RAP1GAP2: variants seen among roughly 807,000 people sequenced by gnomAD.
RAP1GAP2 encodes RAP1 GTPase activating protein 2, also known as rap1 GTPase-activating protein 2.
RAP1GAP2 carries 27 observed loss-of-function variants against 95.0 expected under a neutral mutation model. The ratio of observed to expected loss-of-function variants is 0.28; its 90% confidence interval spans 0.21 to 0.39. The LOEUF (loss-of-function observed/expected upper bound fraction) is 0.39, where lower values mean the gene tolerates loss of function less well. RAP1GAP2 is among the 10% of genes least tolerant of loss of function. The pLI is 1.00. For synonymous variants in RAP1GAP2, 373 were observed against 380.9 expected (o/e 0.98, Z 0.24); for missense variants, 771 against 970.0 (o/e 0.79, Z 2.72).
intron 17 of RAP1GAP2, among the ~76,000 whole-genome samples, chr17:3,014,542 C>A: frequency 8.9e-6 from 1 of 112,132 alleles, no homozygotes; most frequent in Non-Finnish European, 1.7e-5. Context: ...TGTAAAGATG[C>A]TGATTTTTTT....
chr17:2,843,312 G>A (rs979611941), intron 2 of RAP1GAP2, among the ~76,000 whole-genome samples: 2 of 148,486 alleles, frequency 1.3e-5, no homozygotes, highest in African/African-American at 5.0e-5. Flanking sequence ...TTTTAATGGT[G>A]TCTCGCTCTG....
chr17:2,938,921 G>A (rs2043387834), intron 3 of RAP1GAP2, among the ~76,000 whole-genome samples: 2 of 152,018 alleles, frequency 1.3e-5, no homozygotes, highest in African/African-American at 4.8e-5. Flanking sequence ...AGGAGGCAGA[G>A]GTTGTAGTGT....
At chr17:2,779,585 G>A (rs1045753892) in intron 1 of RAP1GAP2, among the ~76,000 whole-genome samples, 4 of 152,114 alleles carry the variant, frequency 2.6e-5, no homozygotes, top group Non-Finnish European at 4.4e-5. Flanking sequence ...TGGGCTGGCC[G>A]CTCAGATATA....
rs114220843 is a variant in RAP1GAP2, at chr17:2,852,965, G to A, written c.81-52319G>A. 5.1e-3 allele frequency among the ~76,000 whole-genome samples: 770 copies of A among 152,286 alleles called. 5 individuals carry two copies. The highest frequency in any genetic ancestry group is 0.017 in the African/African-American group (715 of 41,574). ...GCAGGGGCGGGAGGGACCACGCGAC[G>A]AGTGCGCAGCGGCCAGGCCCGGGTG... On this transcript the variant is annotated intron_variant, in intron 2 of 24. Coordinates refer to ENST00000254695, the MANE Select transcript of RAP1GAP2 (RefSeq NM_015085.5).
chr17:3,013,760 C>T (rs2046654415), intron 17 of RAP1GAP2, among the ~76,000 whole-genome samples: 1 of 145,338 alleles, frequency 6.9e-6, no homozygotes, highest in African/African-American at 2.5e-5. Flanking sequence ...ACCCTTTTAT[C>T]TGGAGCCCAG....
intron 3 of RAP1GAP2, among the ~76,000 whole-genome samples, chr17:2,946,154 T>C (rs2043691001): frequency 6.6e-6 from 1 of 152,204 alleles, no homozygotes; most frequent in Non-Finnish European, 1.5e-5. Flanking sequence ...CACTTGGTCA[T>C]GGAATATAAC....
chr17:2,884,375 T>G (rs111501767), intron 2 of RAP1GAP2, among the ~76,000 whole-genome samples: 7 of 135,272 alleles, frequency 5.2e-5, no homozygotes, highest in African/African-American at 9.5e-5. Flanking sequence ...TTGAGTTGTT[T>G]TTTTTTTTTT....
chr17:2,891,951 GTAGC>G (rs1567749192), intron 2 of RAP1GAP2, among the ~76,000 whole-genome samples: 1 of 146,934 alleles, frequency 6.8e-6, no homozygotes. Flanking sequence ...AGCCTCCCAA[GTAGC>G]TGGGACTACA....
Position 2,837,774 on chromosome 17 carries a change from T to C in RAP1GAP2, c.80+37224T>C, listed in dbSNP as rs1187471027. On this transcript the variant is annotated intron_variant, in intron 2 of 24. Coordinates refer to ENST00000254695, the MANE Select transcript of RAP1GAP2 (RefSeq NM_015085.5). ...GGTGCCTGCCACCATGTCCGGCTATTTTTTTGTATTTTTAGCTGAGACGGG... is the reference window on the plus strand; with the variant it reads ...GGTGCCTGCCACCATGTCCGGCTATCTTTTTGTATTTTTAGCTGAGACGGG... Among the ~76,000 whole-genome samples, 3 of 151,244 alleles carry C rather than the reference T, an allele frequency of 2.0e-5. No individual in the cohort carries two copies. In the Admixed American group the frequency reaches 2.0e-4, roughly 10 times the overall value.
At chr17:2,842,529 CAAA>C (rs34473053) in intron 2 of RAP1GAP2, among the ~76,000 whole-genome samples, 4,932 of 78,056 alleles carry the variant, frequency 0.063, 255 homozygotes, top group African/African-American at 0.2. Context: ...GATTCCGTCT[CAAA>C]AAAAAAAAAA....
chr17:2,864,364 T>C (rs535575881), intron 2 of RAP1GAP2, among the ~76,000 whole-genome samples: 2 of 152,346 alleles, frequency 1.3e-5, no homozygotes, highest in South Asian at 2.1e-4. Flanking sequence ...CTTTGTTTTT[T>C]CCTTTGGAGC....
intron 1 of RAP1GAP2, among the ~76,000 whole-genome samples, chr17:2,780,449 T>C (rs543680907): frequency 6.6e-6 from 1 of 152,370 alleles, no homozygotes; most frequent in South Asian, 2.1e-4. Context: ...GTTCCTGTTA[T>C]GAGCGGCGAT....
At chr17:2,828,355 A>AAAC (rs72254644) in intron 2 of RAP1GAP2, among the ~76,000 whole-genome samples, 3 of 151,142 alleles carry the variant, frequency 2.0e-5, no homozygotes, top group African/African-American at 2.4e-5. Flanking sequence ...AACAACAAAC[A>AAAC]AACAAAAATA....
In RAP1GAP2 at chr17:2,866,187, C is replaced by T. The variant is rs1372985483; in HGVS notation, c.81-39097C>T. On this transcript the variant is annotated intron_variant, in intron 2 of 24. Coordinates refer to ENST00000254695, the MANE Select transcript of RAP1GAP2 (RefSeq NM_015085.5). The surrounding 1 kb of genome is among the most constrained non-coding windows in gnomAD (Gnocchi z 4.0). ...GAAGGGAGAGATGGAGTGGGAAGCACATCCCCAAAGGAGACAGTGGAAGAC... is the reference window on the plus strand; with the variant it reads ...GAAGGGAGAGATGGAGTGGGAAGCATATCCCCAAAGGAGACAGTGGAAGAC... 6.6e-6 allele frequency among the ~76,000 whole-genome samples: 1 copy of T among 152,210 alleles called. No individual in the cohort carries two copies. The highest frequency in any genetic ancestry group is 1.9e-4 in the East Asian group (1 of 5,194).
At chr17:2,974,795 C>T (rs111338383) in intron 8 of RAP1GAP2, among the ~76,000 whole-genome samples, 21 of 151,134 alleles carry the variant, frequency 1.4e-4, no homozygotes, top group African/African-American at 5.1e-4. Context: ...TACAGAAATA[C>T]AGTCTATAGC....
At chr17:2,922,465 C>T (rs1233681527) in intron 3 of RAP1GAP2, among the ~76,000 whole-genome samples, 1 of 152,202 alleles carries the variant, frequency 6.6e-6, no homozygotes, top group Non-Finnish European at 1.5e-5. Flanking sequence ...TCAGGGCTGC[C>T]CTCTCCTGGG....
At chr17:2,897,047 G>A (rs567085427) in intron 2 of RAP1GAP2, among the ~76,000 whole-genome samples, 30 of 152,300 alleles carry the variant, frequency 2.0e-4, no homozygotes, top group African/African-American at 7.2e-4. Context: ...TTTATAAACG[G>A]GTGTCCAGGC....
At chr17:2,767,359 TAAAAAAAAAAAAAAAA>T (rs397857982) in intron 1 of RAP1GAP2, among the ~76,000 whole-genome samples, 1 of 53,710 alleles carries the variant, frequency 1.9e-5, no homozygotes, top group Non-Finnish European at 3.2e-5. Context: ...GAGACTCTGT[TAAAAAAAAAAAAAAAA>T]AAAAAAAAAA....
chr17:2,934,174 C>T (rs2043236168), intron 3 of RAP1GAP2, among the ~76,000 whole-genome samples: 1 of 152,244 alleles, frequency 6.6e-6, no homozygotes. Flanking sequence ...TTCCGTTGCC[C>T]AGGCTGGAGT....
Sources: gnomAD v4.1 joint callset for allele counts (sites outside exome capture counted in the v4.1 genomes callset) on GRCh38, gnomAD v4.1.1 for gene constraint, Gnocchi (gnomAD v3.1) non-coding constraint, MANE v1.5 for transcripts, NCBI Gene and HGNC (gene_info 2026-07-23, HGNC 2026-07-21) for gene names.